Variants in LRRC8C observed in about 807,000 individuals in gnomAD.
The protein encoded by LRRC8C is volume-regulated anion channel subunit LRRC8C.
A neutral mutation model predicts 55.3 loss-of-function variants in LRRC8C; 20 were observed. The ratio of observed to expected loss-of-function variants is 0.36; its 90% CI spans 0.25 to 0.53. The LOEUF is 0.53. Ranked by LOEUF, LRRC8C falls within the 20% of genes least tolerant of loss-of-function variation. The pLI is 0.92. For synonymous variants in LRRC8C, 376 were observed against 360.7 expected (o/e 1.04, Z -0.48); for missense variants, 659 against 951.4 (o/e 0.69, Z 4.04).
intron 1 of LRRC8C, among the ~76,000 whole-genome samples, chr1:89,636,283 A>T (rs1656280065): frequency 6.6e-6 from 1 of 152,174 alleles, no homozygotes; most frequent in South Asian, 2.1e-4. Context: ...CTTCTGCTGT[A>T]TTTCACTTTA....
rs143194198 is a variant in LRRC8C, at chr1:89,719,276, C to T, written c.*4294C>T. 7.9e-4 allele frequency: 121 copies of T among 152,214 alleles called. No individual in the cohort carries two copies. Among genetic ancestry groups the T allele is most frequent in the African/African-American group, 2.8e-3 (118 of 41,528 alleles). 9.4% of individuals were successfully genotyped at this position (152,214 alleles called of 1,614,324 possible). A position where few individuals can be genotyped will look rare whatever the true frequency, so the allele number is the denominator to read the frequency against. ...TTCTTCAGAATACCTCTCTCCACCCCCCACCTTATTCTTCCTCTTTAATGA... is the reference window on the plus strand; with the variant it reads ...TTCTTCAGAATACCTCTCTCCACCCTCCACCTTATTCTTCCTCTTTAATGA... On this transcript the variant is annotated 3_prime_UTR_variant, in exon 3 of 3. Coordinates refer to ENST00000370454, the MANE Select transcript of LRRC8C (RefSeq NM_032270.5).
chr1:89,711,340 G>T (rs181505167), intron 2 of LRRC8C, among the ~76,000 whole-genome samples: 1 of 152,336 alleles, frequency 6.6e-6, no homozygotes, highest in East Asian at 1.9e-4. Flanking sequence ...TGCTATAGCA[G>T]ACCACTTTAC....
chr1:89,676,053 A>T (rs534369798), intron 1 of LRRC8C, among the ~76,000 whole-genome samples: 1 of 152,274 alleles, frequency 6.6e-6, no homozygotes, highest in Non-Finnish European at 1.5e-5. Context: ...CGGAATAGGC[A>T]TTAAATAATT....
chr1:89,649,946 AC>A (rs1258255234), intron 1 of LRRC8C, among the ~76,000 whole-genome samples: 1 of 152,120 alleles, frequency 6.6e-6, no homozygotes, highest in African/African-American at 2.4e-5. Flanking sequence ...AACTTTTGTG[AC>A]CCCTTTAACT....
chr1:89,654,018 G>A (rs1656865547), intron 1 of LRRC8C, among the ~76,000 whole-genome samples: 2 of 152,154 alleles, frequency 1.3e-5, no homozygotes, highest in Non-Finnish European at 2.9e-5. Flanking sequence ...TAAAGAAAAT[G>A]TGGTATATAT....
intron 1 of LRRC8C, among the ~76,000 whole-genome samples, chr1:89,679,549 G>A (rs1269543926): frequency 6.6e-6 from 1 of 151,962 alleles, no homozygotes; most frequent in East Asian, 1.9e-4. Flanking sequence ...GCCAGACCCT[G>A]TCTCCAAAAA....
chr1:89,633,665 C>T (rs1007079448), intron 1 of LRRC8C, among the ~76,000 whole-genome samples: 18 of 152,290 alleles, frequency 1.2e-4, no homozygotes, highest in Admixed American at 1.0e-3. Flanking sequence ...GAAATGCGTC[C>T]GTGGCCGGGG....
intron 1 of LRRC8C, among the ~76,000 whole-genome samples, chr1:89,670,000 G>T (rs145361386): frequency 7.2e-5 from 11 of 152,080 alleles, no homozygotes; most frequent in Non-Finnish European, 1.2e-4. Flanking sequence ...AAGTGAGTGG[G>T]TGGAAATAAT....
At chr1:89,709,749 TTG>T (rs1491550668) in intron 2 of LRRC8C, among the ~76,000 whole-genome samples, 36,020 of 127,126 alleles carry the variant, frequency 0.28, 4,603 homozygotes, top group East Asian at 0.41. Flanking sequence ...TGGTTTTTTT[TTG>T]TTTGTTTTTT....
At chr1:89,684,290 G>A (rs901274462) in intron 1 of LRRC8C, among the ~76,000 whole-genome samples, 2 of 152,094 alleles carry the variant, frequency 1.3e-5, no homozygotes, top group East Asian at 3.9e-4. Context: ...TTTCCTCTAC[G>A]ATGTAAAGAA....
intron 1 of LRRC8C, among the ~76,000 whole-genome samples, chr1:89,646,602 C>A (rs1166080860): frequency 3.3e-5 from 5 of 152,012 alleles, no homozygotes; most frequent in African/African-American, 1.2e-4. Flanking sequence ...CAAAGATTTT[C>A]TATCAATCTC....
chr1:89,651,660 A>T (rs1290976253), intron 1 of LRRC8C, among the ~76,000 whole-genome samples: 2 of 150,962 alleles, frequency 1.3e-5, no homozygotes, highest in Non-Finnish European at 3.0e-5. Flanking sequence ...GAAAAAGTTT[A>T]TGGATCCTTG....
At chr1:89,691,723 T>TC (rs1658031964) in intron 2 of LRRC8C, among the ~76,000 whole-genome samples, 2 of 152,282 alleles carry the variant, frequency 1.3e-5, no homozygotes, top group African/African-American at 4.8e-5. Flanking sequence ...AGGCTGATTC[T>TC]CCATGAGGCG....
intron 1 of LRRC8C, among the ~76,000 whole-genome samples, chr1:89,636,676 C>T (rs868296116): frequency 6.6e-6 from 1 of 152,072 alleles, no homozygotes; most frequent in Admixed American, 6.6e-5. Flanking sequence ...TCCTACAAGG[C>T]TCAGCATAAA....
intron 1 of LRRC8C, among the ~76,000 whole-genome samples, chr1:89,672,807 T>TATTC (rs1209856932): frequency 6.6e-6 from 1 of 152,104 alleles, no homozygotes; most frequent in Non-Finnish European, 1.5e-5. Flanking sequence ...TTTATTTATT[T>TATTC]ATTTTTATAG....
intron 2 of LRRC8C, among the ~76,000 whole-genome samples, chr1:89,693,333 G>A (rs1020839715): frequency 2.6e-5 from 4 of 152,170 alleles, no homozygotes; most frequent in Non-Finnish European, 5.9e-5. Context: ...AATGCTCATA[G>A]GCAGTTCACT....
intron 1 of LRRC8C, among the ~76,000 whole-genome samples, chr1:89,634,512 G>C (rs1435652182): frequency 6.6e-6 from 1 of 152,214 alleles, no homozygotes; most frequent in African/African-American, 2.4e-5. Flanking sequence ...CCAAAGCATC[G>C]ATGAGGCTTC....
At chr1:89,635,744 T>C (rs1345846457) in intron 1 of LRRC8C, among the ~76,000 whole-genome samples, 1 of 152,234 alleles carries the variant, frequency 6.6e-6, no homozygotes, top group Non-Finnish European at 1.5e-5. Context: ...AAACCCATGT[T>C]CTTGCCACTG....
chr1:89,619,993 A>G, the LRRC8C span, among the ~76,000 whole-genome samples: 4,395 of 152,256 alleles, frequency 0.029, 212 homozygotes, highest in African/African-American at 0.099. Context: ...GTCCCTTTGG[A>G]CTGCTGTGAA....
Sources: gnomAD v4.1 joint callset for allele counts (sites outside exome capture counted in the v4.1 genomes callset) on GRCh38, gnomAD v4.1.1 for gene constraint, MANE v1.5 for transcripts, NCBI Gene and HGNC (gene_info 2026-07-23, HGNC 2026-07-21) for gene names.